Variants in FRMD4B observed in about 807,000 individuals in gnomAD.
FRMD4B encodes FERM domain-containing protein 4B.
In FRMD4B, 74 loss-of-function variants were observed where a neutral mutation model predicts 141.5. The ratio of observed to expected loss-of-function variants is 0.52; its 90% CI spans 0.43 to 0.63. FRMD4B has a LOEUF of 0.63. Ranked by LOEUF, FRMD4B falls within the 30% of genes least tolerant of loss-of-function variation. FRMD4B has a pLI of 0.00. For synonymous variants in FRMD4B, 506 were observed against 467.9 expected, an observed-to-expected ratio of 1.08 and a Z score of -1.05; for missense variants, 1,366 against 1,253.4, an observed-to-expected ratio of 1.09 and a Z score of -1.36.
chr3:69,432,129 A>T (rs576017987), intron 2 of FRMD4B, among the ~76,000 whole-genome samples: 3 of 152,366 alleles, frequency 2.0e-5, no homozygotes, highest in East Asian at 1.9e-4. Context: ...GATACTAAGG[A>T]TACAAAGCTC....
chr3:69,531,402 A>AT (rs952006396), intron 1 of FRMD4B, among the ~76,000 whole-genome samples: 2 of 152,106 alleles, frequency 1.3e-5, no homozygotes, highest in East Asian at 3.9e-4. Context: ...CAAGCAAAAA[A>AT]AAAGGAAAGA....
At chr3:69,224,344 A>G (rs557230507) in intron 8 of FRMD4B, among the ~76,000 whole-genome samples, 1 of 152,366 alleles carries the variant, frequency 6.6e-6, no homozygotes, top group South Asian at 2.1e-4. Context: ...AGCATACTCT[A>G]CAGACATTTT....
chr3:69,429,218 C>A (rs1279648560), intron 2 of FRMD4B, among the ~76,000 whole-genome samples: 1 of 152,196 alleles, frequency 6.6e-6, no homozygotes, highest in Non-Finnish European at 1.5e-5. Context: ...AAAGTGAACA[C>A]ACTTGTGCAT....
intron 9 of FRMD4B, among the ~76,000 whole-genome samples, chr3:69,220,238 C>T (rs1250263291): frequency 6.6e-6 from 1 of 152,172 alleles, no homozygotes; most frequent in Non-Finnish European, 1.5e-5. Flanking sequence ...AGGCTACCAA[C>T]CTGTACAGCA....
intron 7 of FRMD4B, among the ~76,000 whole-genome samples, chr3:69,240,948 A>G (rs2093378251): frequency 6.6e-6 from 1 of 152,182 alleles, no homozygotes; most frequent in Admixed American, 6.6e-5. Flanking sequence ...AATGCCACGC[A>G]TGCCTGTGTC....
intron 1 of FRMD4B, among the ~76,000 whole-genome samples, chr3:69,324,733 G>A (rs931656652): frequency 2.6e-5 from 4 of 152,172 alleles, no homozygotes; most frequent in African/African-American, 9.7e-5. Flanking sequence ...AACTGGCAAT[G>A]GAATTGAGTT....
rs1365872396 is a variant in FRMD4B at position 69,188,772 on chromosome 3, A to AC, written c.1772-856_1772-855insG. On this transcript the variant is annotated intron_variant, in intron 18 of 22. Coordinates refer to ENST00000398540, the MANE Select transcript of FRMD4B (RefSeq NM_015123.3). Reference sequence around the variant, plus strand: ...GAGCGAGACTCCGTCTCAAAAAAAAAAAAAAAAAAAAACTTGGGGAAGATA... The same window carrying AC: ...GAGCGAGACTCCGTCTCAAAAAAAAACAAAAAAAAAAAACTTGGGGAAGATA... Among the ~76,000 whole-genome samples, 11 of 151,702 alleles carry AC rather than the reference A, an allele frequency of 7.3e-5. 1 individual carries two copies. The highest frequency in any genetic ancestry group is 2.7e-4 in the African/African-American group (11 of 41,342).
At chr3:69,285,290 T>C (rs1042075167) in intron 5 of FRMD4B, among the ~76,000 whole-genome samples, 3 of 150,624 alleles carry the variant, frequency 2.0e-5, no homozygotes, top group African/African-American at 7.3e-5. Context: ...CTATACAAGA[T>C]ATCATATTCC....
Position 69,425,454 on chromosome 3 carries a change from C to T in FRMD4B, c.-1+7180G>A, listed in dbSNP as rs575221648. ...TGTTCACACAGCACACCCTACTGCC[C>T]ATGGGGGAAAGTTCACTTCCAATGC... is the stretch of plus-strand genomic sequence containing the variant. On this transcript the variant is annotated intron_variant, in intron 2 of 5. Coordinates refer to the FRMD4B transcript ENST00000459638. 3.3e-5 allele frequency among the ~76,000 whole-genome samples: 5 copies of T among 152,294 alleles called. No individual in the cohort carries two copies. The South Asian group carries it at 8.3e-4, about 25-fold the overall frequency.
intron 5 of FRMD4B, among the ~76,000 whole-genome samples, chr3:69,261,388 T>C (rs897670052): frequency 2.0e-4 from 30 of 152,360 alleles, no homozygotes; most frequent in African/African-American, 7.2e-4. Flanking sequence ...ATTATCTGAT[T>C]ATTAACATGC....
intron 1 of FRMD4B, among the ~76,000 whole-genome samples, chr3:69,534,368 T>C (rs947799198): frequency 6.6e-6 from 1 of 152,138 alleles, no homozygotes; most frequent in African/African-American, 2.4e-5. Flanking sequence ...CACATTAAAA[T>C]AAATAGTCAA....
At chr3:69,346,281 A>C (rs896842790) in intron 1 of FRMD4B, among the ~76,000 whole-genome samples, 1 of 152,144 alleles carries the variant, frequency 6.6e-6, no homozygotes, top group African/African-American at 2.4e-5. Flanking sequence ...AGTTTAGAGA[A>C]AAAAGAGTAA....
chr3:69,333,798 T>A (rs541901316), intron 1 of FRMD4B, among the ~76,000 whole-genome samples: 1 of 152,336 alleles, frequency 6.6e-6, no homozygotes, highest in South Asian at 2.1e-4. Context: ...GAGCACCTAC[T>A]CTGTGCCAGG....
rs191910022 is a variant in FRMD4B, at chr3:69,172,161, G to T, written c.2985-180C>A. Among the ~76,000 whole-genome samples the T allele has an allele frequency of 3.6e-3, 555 of 152,282 alleles. 5 individuals are homozygous for T. Among genetic ancestry groups the T allele is most frequent in the Middle Eastern group, 6.8e-3 (2 of 294 alleles). ...TCTTTCAATGTCATACTGGAGCATT[G>T]TTTAACAGGCCCATAAAAAGGATTA... On this transcript the variant is annotated intron_variant, in intron 22 of 22. Coordinates refer to ENST00000398540, the MANE Select transcript of FRMD4B (RefSeq NM_015123.3).
At chr3:69,293,589 A>G (rs1015029309) in intron 4 of FRMD4B, among the ~76,000 whole-genome samples, 2 of 152,074 alleles carry the variant, frequency 1.3e-5, no homozygotes, top group Non-Finnish European at 2.9e-5. Flanking sequence ...CAGAATAAAA[A>G]TTCCAAGTAT....
chr3:69,499,357 C>T (rs1214722958), intron 1 of FRMD4B, among the ~76,000 whole-genome samples: 10 of 152,136 alleles, frequency 6.6e-5, no homozygotes, highest in Admixed American at 5.9e-4. Flanking sequence ...GGTAGAAGCA[C>T]AGAGTGCATG....
At chr3:69,390,159 C>A (rs1704349809), upstream of FRMD4B, among the ~76,000 whole-genome samples, 1 of 152,160 alleles carries the variant, frequency 6.6e-6, no homozygotes, top group South Asian at 2.1e-4. Flanking sequence ...AGGACAAATT[C>A]CAACCCCTGT....
At chr3:69,310,429 A>T (rs558365481) in intron 3 of FRMD4B, 1 of 456,518 alleles carries the variant, frequency 2.2e-6, no homozygotes, top group East Asian at 6.9e-5. Context: ...GCATTTTAAC[A>T]TTTAAGGAGC....
At chr3:69,360,263 T>G (rs1173204878) in intron 1 of FRMD4B, among the ~76,000 whole-genome samples, 3 of 152,222 alleles carry the variant, frequency 2.0e-5, no homozygotes, top group Non-Finnish European at 2.9e-5. Flanking sequence ...TTCATTTATA[T>G]TCTTGCCTAC....
Sources: gnomAD v4.1 joint callset for allele counts (sites outside exome capture counted in the v4.1 genomes callset) on GRCh38, gnomAD v4.1.1 for gene constraint, MANE v1.5 for transcripts, NCBI Gene and HGNC (gene_info 2026-07-23, HGNC 2026-07-21) for gene names.